SOX6: variants seen among roughly 807,000 people sequenced by gnomAD.
SOX6 encodes SRY-box transcription factor 6, also known as transcription factor SOX-6.
SOX6 carries 11 observed loss-of-function variants against 97.8 expected under a neutral mutation model. The ratio of observed to expected loss-of-function variants is 0.11; its 90% CI spans 0.07 to 0.19. The LOEUF is 0.19. Among genes scored for constraint, SOX6 ranks in the 10% least tolerant of loss-of-function variants. The pLI is 1.00. For missense variants in SOX6, 810 were observed against 1,039.5 expected (o/e 0.78, Z 3.04); for synonymous variants, 360 against 371.4 (o/e 0.97, Z 0.35).
chr11:16,359,047 A>G (rs1029886616), upstream of SOX6, among the ~76,000 whole-genome samples: 4 of 152,062 alleles, frequency 2.6e-5, no homozygotes, highest in African/African-American at 9.7e-5. Flanking sequence ...TGGAAAATAA[A>G]CCATTGAAAA....
rs1232848056 is a variant in SOX6 at position 16,234,618 on chromosome 11, T to C, written c.499A>G (p.Arg167Gly). ...LSKDWKEKMERLNTSELLGEI... is the reference protein window; with the variant it reads ...LSKDWKEKMEGLNTSELLGEI... ...CCAAGAAGTTCACTGGTATTTAGTC[T>C]TTCCATTTTTTCCTTCCAATCTTTT... The change falls in exon 4 of 16, where the codon AGA (arginine) becomes GGA (glycine). Residue 167 changes from arginine to glycine, a missense_variant. Around this residue, in one of 9 missense-constraint regions of SOX6, gnomAD observed 110 missense variants for 119.0 expected, o/e 0.92. Coordinates refer to ENST00000683767, the MANE Select transcript of SOX6 (RefSeq NM_001367873.1). 6.3e-7 allele frequency: 1 copy of C among 1,599,398 alleles called. No individual in the cohort carries two copies. The highest frequency in any genetic ancestry group is 8.5e-7 in the Non-Finnish European group (1 of 1,169,666).
intron 1 of SOX6, among the ~76,000 whole-genome samples, chr11:16,389,173 C>T (rs991183349): frequency 9.2e-5 from 14 of 152,176 alleles, no homozygotes; most frequent in African/African-American, 3.1e-4. Flanking sequence ...GACTTGAACT[C>T]CTGGACTCAA....
chr11:16,006,863 A>C (rs887805263), intron 13 of SOX6, among the ~76,000 whole-genome samples: 7 of 152,024 alleles, frequency 4.6e-5, no homozygotes, highest in African/African-American at 1.7e-4. Context: ...ATAATCAGTA[A>C]ATTATAACTT....
rs1476531505 is a variant in SOX6, at chr11:16,613,534, G to A, written n.430-1274C>T. Among the ~76,000 whole-genome samples the A allele has an allele frequency of 3.3e-5, 5 of 152,116 alleles. No individual in the cohort carries two copies. The highest frequency in any genetic ancestry group is 6.5e-5 in the Admixed American group (1 of 15,278). On this transcript the variant is annotated intron_variant and non_coding_transcript_variant, in intron 3 of 5. Coordinates refer to the SOX6 transcript ENST00000524520. The surrounding 1 kb of genome is among the most constrained non-coding windows in gnomAD (Gnocchi z 4.6). ...TCGGCCTGAGGGCTCAGGTGATGGA[G>A]AGGAGGCTCGCGGCGTCCCAAACGG...
At chr11:16,450,001 C>T (rs534475805) in intron 1 of SOX6, among the ~76,000 whole-genome samples, 9 of 152,176 alleles carry the variant, frequency 5.9e-5, no homozygotes, top group African/African-American at 2.2e-4. Flanking sequence ...CAGTAGGTTG[C>T]CCAAGGAACC....
At chr11:16,591,758 A>G (rs1212391938) in intron 4 of SOX6, among the ~76,000 whole-genome samples, 7 of 152,178 alleles carry the variant, frequency 4.6e-5, no homozygotes, top group Non-Finnish European at 7.4e-5. Context: ...CAGGGAAGAC[A>G]GAGGCTACAA....
chr11:16,487,905 G>A (rs538359231), intron 4 of SOX6, among the ~76,000 whole-genome samples: 25 of 152,204 alleles, frequency 1.6e-4, no homozygotes, highest in African/African-American at 5.8e-4. Context: ...AGTTGACACC[G>A]CCTGTTGTGC....
intron 1 of SOX6, among the ~76,000 whole-genome samples, chr11:16,401,440 T>G (rs1200757836): frequency 2.0e-5 from 3 of 151,492 alleles, no homozygotes; most frequent in African/African-American, 7.3e-5. Flanking sequence ...CTTTATTCCA[T>G]CTCTCCTCAA....
chr11:16,134,391 C>T (rs925442066), intron 6 of SOX6, among the ~76,000 whole-genome samples: 1 of 148,570 alleles, frequency 6.7e-6, no homozygotes, highest in East Asian at 1.9e-4. Context: ...GTAAGGAAAG[C>T]CTTGAAAACT....
intron 6 of SOX6, among the ~76,000 whole-genome samples, chr11:16,152,317 A>G (rs985274961): frequency 1.3e-5 from 2 of 152,144 alleles, no homozygotes; most frequent in African/African-American, 4.8e-5. Flanking sequence ...CAAAAGTCAC[A>G]GGCGTGTTTG....
At chr11:16,268,409 T>C (rs1486791914) in intron 3 of SOX6, among the ~76,000 whole-genome samples, 2 of 151,212 alleles carry the variant, frequency 1.3e-5, no homozygotes, top group African/African-American at 4.8e-5. Flanking sequence ...GCTATATAAA[T>C]ATCAAAGTAG....
chr11:16,386,523 CAT>C (rs955439736), intron 1 of SOX6, among the ~76,000 whole-genome samples: 18 of 152,168 alleles, frequency 1.2e-4, no homozygotes, highest in Admixed American at 5.9e-4. Flanking sequence ...TTTCCTGACA[CAT>C]ATACACACAC....
chr11:16,717,953 C>CTTTTTTTTTT, intron 2 of SOX6, among the ~76,000 whole-genome samples: 1 of 134,776 alleles, frequency 7.4e-6, no homozygotes, highest in Non-Finnish European at 1.6e-5. Context: ...TCCTGTTTTT[C>CTTTTTTTTTT]TTTTTTTTTT....
intron 2 of SOX6, among the ~76,000 whole-genome samples, chr11:16,324,301 G>A (rs949157091): frequency 2.6e-5 from 4 of 152,028 alleles, no homozygotes. Context: ...AAAACATAAG[G>A]AATTGATGAT....
intron 3 of SOX6, among the ~76,000 whole-genome samples, chr11:16,652,290 C>T (rs567711000): frequency 2.6e-5 from 4 of 152,048 alleles, no homozygotes; most frequent in East Asian, 1.9e-4. Flanking sequence ...CCTAAAAAGA[C>T]CTTGCATAGC....
intron 3 of SOX6, among the ~76,000 whole-genome samples, chr11:16,306,626 T>TTTTTTTTTTTTC (rs1565081674): frequency 7.6e-6 from 1 of 131,648 alleles, no homozygotes. Flanking sequence ...TTTTTTTTTT[T>TTTTTTTTTTTTC]CTTTTTTTTT....
intron 4 of SOX6, among the ~76,000 whole-genome samples, chr11:16,609,825 G>A (rs1032982476): frequency 2.0e-5 from 3 of 152,168 alleles, no homozygotes; most frequent in Admixed American, 6.5e-5. Flanking sequence ...GGTAGCTTGG[G>A]GACTGTGAGT....
intron 3 of SOX6, among the ~76,000 whole-genome samples, chr11:16,275,112 A>G (rs1276233997): frequency 6.6e-6 from 1 of 152,042 alleles, no homozygotes; most frequent in Admixed American, 6.6e-5. Context: ...TTTATAATAC[A>G]TTTTCTTAAA....
At chr11:16,541,763 G>A (rs1861412654) in intron 4 of SOX6, among the ~76,000 whole-genome samples, 1 of 152,184 alleles carries the variant, frequency 6.6e-6, no homozygotes, top group Non-Finnish European at 1.5e-5. Context: ...ACCACAATGA[G>A]ATACCATCTC....
Sources: gnomAD v4.1 joint callset for allele counts (sites outside exome capture counted in the v4.1 genomes callset) on GRCh38, gnomAD v4.1.1 for gene constraint, gnomAD v4.1.1 regional missense constraint, Gnocchi (gnomAD v3.1) non-coding constraint, MANE v1.5 for transcripts, NCBI Gene and HGNC (gene_info 2026-07-23, HGNC 2026-07-21) for gene names.